The following CUL1 variants were observed in gnomAD, a reference collection of about 807,000 sequenced individuals.
CUL1 encodes cullin 1.
CUL1 carries 24 observed loss-of-function variants against 118.0 expected under a neutral mutation model. The ratio of observed to expected loss-of-function variants is 0.20; its 90% CI spans 0.15 to 0.29. CUL1 has a LOEUF of 0.29. Among genes scored for constraint, CUL1 ranks in the 10% least tolerant of loss-of-function variants. The pLI is 1.00. For missense variants in CUL1, 361 were observed against 933.8 expected, an observed-to-expected ratio of 0.39 and a Z score of 7.99; for synonymous variants, 332 against 340.4, an observed-to-expected ratio of 0.98 and a Z score of 0.27.
At chr7:148,776,283 A>G (rs1320798234) in intron 9 of CUL1, among the ~76,000 whole-genome samples, 8 of 104,130 alleles carry the variant, frequency 7.7e-5, no homozygotes, top group Non-Finnish European at 4.0e-5. Context: ...CACATTTGTC[A>G]TTTTGGAGTC....
chr7:148,791,684 G>A lies in CUL1; in HGVS notation c.1807-1042G>A, dbSNP rs529619858. Among the ~76,000 whole-genome samples, 13 of 152,346 alleles carry A rather than the reference G, an allele frequency of 8.5e-5. No individual in the cohort carries two copies. The South Asian group carries it at 2.7e-3, about 32-fold the overall frequency. On this transcript the variant is annotated intron_variant, in intron 16 of 21. Transcript: ENST00000325222. ...CTGGAAGCAGTGTTGTCTGTGGGCC[G>A]CCCTGAAACAGGCATGTGGCGTTTT...
At chr7:148,732,248 A>G (rs750274467) in intron 2 of CUL1, among the ~76,000 whole-genome samples, 2 of 152,236 alleles carry the variant, frequency 1.3e-5, no homozygotes, top group Non-Finnish European at 2.9e-5. Flanking sequence ...GCACTGCTCC[A>G]GAGCTCAAGG....
chr7:148,791,413 T>C (rs754835641), intron 16 of CUL1, among the ~76,000 whole-genome samples: 5 of 152,250 alleles, frequency 3.3e-5, no homozygotes, highest in Non-Finnish European at 7.3e-5. Flanking sequence ...CATAGTATTA[T>C]GCTGGCTCCA....
intron 17 of CUL1, among the ~76,000 whole-genome samples, chr7:148,793,278 T>C (rs944310441): frequency 6.6e-6 from 1 of 152,256 alleles, no homozygotes; most frequent in African/African-American, 2.4e-5. Flanking sequence ...TTATTTTTCC[T>C]GCTAGCCATA....
chr7:148,762,223 T>C (rs1469969144), intron 7 of CUL1, among the ~76,000 whole-genome samples: 1 of 152,192 alleles, frequency 6.6e-6, no homozygotes, highest in Non-Finnish European at 1.5e-5. Flanking sequence ...TATGCTGAGA[T>C]AGAAAGTCAA....
chr7:148,766,880 TCTG>T (rs964404193), intron 8 of CUL1, among the ~76,000 whole-genome samples, 157 bp downstream of exon 8: 3 of 152,258 alleles, frequency 2.0e-5, no homozygotes, highest in African/African-American at 7.2e-5. Context: ...ATTTCAGACT[TCTG>T]CAGAGCATTT....
intron 1 of CUL1, among the ~76,000 whole-genome samples, chr7:148,727,007 A>G (rs1377912606): frequency 1.3e-5 from 2 of 152,094 alleles, no homozygotes; most frequent in Non-Finnish European, 1.5e-5. Flanking sequence ...GTGATACCCT[A>G]TTTAAAAATA....
rs201726553 is a variant in CUL1 at position 148,754,163 on chromosome 7, A to T, written c.315+13A>T. 7.5e-4 allele frequency: 1,124 copies of T among 1,502,338 alleles called. No individual in the cohort carries two copies. Among genetic ancestry groups the T allele is most frequent in the Middle Eastern group, 6.3e-3 (34 of 5,402 alleles). 93.1% of individuals were successfully genotyped at this position (1,502,338 alleles called of 1,614,324 possible). ...AAATCTTCTTAAGGTAAGATGTTTT[A>T]TATATATACTGAGTATTCATAACAG... On this transcript the variant is annotated intron_variant, in intron 3 of 21. Transcript: ENST00000325222.
intron 17 of CUL1, among the ~76,000 whole-genome samples, chr7:148,795,689 G>A (rs1479972477): frequency 6.7e-6 from 1 of 149,934 alleles, no homozygotes; most frequent in Non-Finnish European, 1.5e-5. Context: ...AGAATGGTGT[G>A]AACCCAGGAG....
At chr7:148,741,421 T>C (rs1799134347) in intron 2 of CUL1, among the ~76,000 whole-genome samples, 1 of 148,948 alleles carries the variant, frequency 6.7e-6, no homozygotes, top group African/African-American at 2.4e-5. Flanking sequence ...TGTTGTGTTG[T>C]GTTGTATTTA....
At chr7:148,796,485 A>G (rs1470185261) in intron 17 of CUL1, among the ~76,000 whole-genome samples, 1 of 152,204 alleles carries the variant, frequency 6.6e-6, no homozygotes, top group Non-Finnish European at 1.5e-5. Context: ...TGAGTTAGGA[A>G]AGTCATTTTG....
intron 1 of CUL1, among the ~76,000 whole-genome samples, chr7:148,717,678 A>C (rs1010381106): frequency 2.0e-5 from 3 of 151,794 alleles, no homozygotes; most frequent in African/African-American, 7.3e-5. Flanking sequence ...TGACTTGCCC[A>C]AATCCTTCAC....
chr7:148,761,552 C>T (rs11773084), intron 7 of CUL1, among the ~76,000 whole-genome samples: 69,880 of 151,954 alleles, frequency 0.46, 16,528 homozygotes, highest in Non-Finnish European at 0.52. Flanking sequence ...TGGATTTAGA[C>T]TCTAAGGAAT....
At chr7:148,799,835 G>A (rs988929833) in intron 21 of CUL1, among the ~76,000 whole-genome samples, 6 of 152,242 alleles carry the variant, frequency 3.9e-5, no homozygotes, top group Non-Finnish European at 7.3e-5. Flanking sequence ...TCGCATTGCG[G>A]TATCGAGAAG....
chr7:148,716,784 A>G (rs1798227647), intron 1 of CUL1, among the ~76,000 whole-genome samples: 1 of 152,176 alleles, frequency 6.6e-6, no homozygotes, highest in African/African-American at 2.4e-5. Context: ...ATCATTGCGC[A>G]GTGCTCTATT....
intron 9 of CUL1, among the ~76,000 whole-genome samples, chr7:148,773,333 C>T (rs2129461488): frequency 6.6e-6 from 1 of 152,148 alleles, no homozygotes; most frequent in East Asian, 1.9e-4. Context: ...ACACAGTCAT[C>T]CTTACCTTCT....
chr7:148,797,734 T>A, intron 17 of CUL1, 78 bp from the exon 18 acceptor site: 1 of 986,268 alleles, frequency 1.0e-6, no homozygotes, highest in Non-Finnish European at 1.6e-6. Flanking sequence ...GAAAATGGAC[T>A]GTGAGGTTGC....
intron 9 of CUL1, chr7:148,783,321 G>A (rs1437818459): frequency 3.0e-6 from 3 of 985,280 alleles, no homozygotes; most frequent in East Asian, 2.3e-4. Flanking sequence ...TTTGCAGTGG[G>A]TGGGGGCCGC....
intron 1 of CUL1, among the ~76,000 whole-genome samples, chr7:148,715,363 C>T (rs1210848523): frequency 2.6e-5 from 4 of 151,594 alleles, no homozygotes; most frequent in Non-Finnish European, 1.5e-5. Flanking sequence ...TCTACTCGTT[C>T]AGAGCTATGT....
Sources: allele counts gnomAD v4.1 joint callset (sites outside exome capture counted in the v4.1 genomes callset), GRCh38; gene constraint gnomAD v4.1.1; transcripts MANE v1.5; gene names NCBI Gene and HGNC (gene_info 2026-07-23, HGNC 2026-07-21).